RFX1: variants seen among roughly 807,000 people sequenced by gnomAD.
RFX1 encodes regulatory factor X1, also known as MHC class II regulatory factor RFX1.
In RFX1, 42 loss-of-function variants were observed where a neutral mutation model predicts 119.6. The ratio of observed to expected loss-of-function variants is 0.35; its 90% CI spans 0.27 to 0.45. RFX1 has a LOEUF of 0.45. RFX1 is among the 20% of genes least tolerant of loss of function. RFX1 has a pLI of 1.00. For missense variants in RFX1, 1,118 were observed against 1,368.1 expected (o/e 0.82, Z 2.88); for synonymous variants, 628 against 618.5 (o/e 1.02, Z -0.23).
intron 8 of RFX1, among the ~76,000 whole-genome samples, chr19:13,974,954 G>A (rs991463630): frequency 2.0e-5 from 3 of 151,240 alleles, no homozygotes; most frequent in Non-Finnish European, 4.4e-5. Context: ...TGGGGCAGGA[G>A]GATCACTTGA....
chr19:13,973,233 G>A, intron 8 of RFX1, 106 bp from the exon 9 acceptor site: 1 of 813,470 alleles, frequency 1.2e-6, no homozygotes, highest in Non-Finnish European at 2.0e-6. Flanking sequence ...TGGGGAAGCA[G>A]CAGCTCCCCT....
In RFX1 at chr19:13,972,909, C is replaced by T; in HGVS notation, c.1148G>A (p.Gly383Asp). 1 of 1,593,674 alleles carries T rather than the reference C, an allele frequency of 6.3e-7. No homozygotes were observed. The highest frequency in any genetic ancestry group is 8.5e-7 in the Non-Finnish European group (1 of 1,176,778). The change falls in exon 9 of 21, where the codon GGT becomes GAT. Residue 383 changes from glycine (G) to aspartate (D), a missense_variant. Around this residue, in one of 5 missense-constraint regions of RFX1, gnomAD observed 542 missense variants for 602.7 expected, o/e 0.90. Coordinates refer to ENST00000254325, the MANE Select transcript of RFX1 (RefSeq NM_002918.5). ...GAGASNSSGG[G>D]GSGGGGGGGG... ...GCCGCCGCCGCCACCACCACTGCCA[C>T]CACCTCCGCTGCTGTTGCTGGCCCC...
In RFX1 at chr19:13,961,622, A is replaced by G. The variant is rs1428991342; in HGVS notation, c.*1073T>C. On this transcript the variant is annotated 3_prime_UTR_variant, in exon 21 of 21. Transcript: ENST00000254325. Reference sequence around the variant, plus strand: ...ACACTAGACTACCACACGTGTGGACACTTTCACCACCGGGAGAGGGAGCCC... The same window carrying G: ...ACACTAGACTACCACACGTGTGGACGCTTTCACCACCGGGAGAGGGAGCCC... 2 of 152,898 alleles carry G rather than the reference A, an allele frequency of 1.3e-5. No individual in the cohort carries two copies. The highest frequency in any genetic ancestry group is 4.8e-5 in the African/African-American group (2 of 41,356). 9.5% of individuals were successfully genotyped at this position (152,898 alleles called of 1,614,324 possible).
chr19:13,997,461 G>C (rs1975075558), intron 1 of RFX1, among the ~76,000 whole-genome samples: 1 of 152,238 alleles, frequency 6.6e-6, no homozygotes. Context: ...GCAGTGTGTG[G>C]CCAGGCACCT....
intron 6 of RFX1, among the ~76,000 whole-genome samples, chr19:13,979,978 A>C (rs1197157608): frequency 1.3e-5 from 2 of 151,582 alleles, no homozygotes; most frequent in Non-Finnish European, 2.9e-5. Context: ...GCCTGGACCT[A>C]GGTCTGGAGG....
chr19:13,979,502 C>A lies in RFX1; in HGVS notation c.779G>T (p.Gly260Val). The A allele has an allele frequency of 6.2e-7, 1 of 1,603,508 alleles. No homozygotes were observed. The highest frequency in any genetic ancestry group is 8.5e-7 in the Non-Finnish European group (1 of 1,174,306). Reference protein sequence around the residue: ...VQATPQAPKPGPVQPLTVQGL... With the variant: ...VQATPQAPKPVPVQPLTVQGL... ...CTGCACGGTCAGCGGCTGCACCGGG[C>A]CGGGTTTGGGCGCTTGTGGAGTGGC... is the stretch of plus-strand genomic sequence containing the variant. The change falls in exon 7 of 21, where the codon GGC becomes GTC. Residue 260 changes from glycine (G) to valine (V), a missense_variant. By Grantham distance (109) the Gly-to-Val change is moderately radical. Transcript: ENST00000254325.
intron 18 of RFX1, 100 bp downstream of exon 18, chr19:13,963,438 C>G (rs1973783561): frequency 3.5e-6 from 5 of 1,424,044 alleles, no homozygotes; most frequent in Non-Finnish European, 4.7e-6. Context: ...CCTGCCCGCC[C>G]AGCCTGCAGG....
chr19:13,981,583 G>A (rs999484397), intron 5 of RFX1, among the ~76,000 whole-genome samples: 7 of 152,294 alleles, frequency 4.6e-5, no homozygotes, highest in African/African-American at 1.4e-4. Flanking sequence ...GGGACAGAGC[G>A]AGATTCTGTC....
At position 13,966,726 on chromosome 19, in the gene RFX1, G is replaced by A. The variant is rs1253472974; in HGVS notation, c.1758C>T (p.Phe586=). 1 of 1,610,396 alleles carries A rather than the reference G, an allele frequency of 6.2e-7. No individual in the cohort carries two copies. Among genetic ancestry groups the A allele is most frequent in the Non-Finnish European group, 8.5e-7 (1 of 1,178,778 alleles). ...CCTTGCCCTGGAGGTCGAGCTCTGT[G>A]AAGTCAGGGAGGCTCCGAGAGGCAT... ...FLDASRSLPD[F]TELDLQGKVL... The change falls in exon 13 of 21, where the codon TTC becomes TTT. Residue 586 remains phenylalanine, a synonymous_variant. Coordinates refer to ENST00000254325, the MANE Select transcript of RFX1 (RefSeq NM_002918.5). This position sits in a 1 kb window ranked among gnomAD's most constrained non-coding sequence, Gnocchi z 6.3.
chr19:13,978,955 TC>T (rs1385964704), intron 7 of RFX1, among the ~76,000 whole-genome samples: 1 of 151,352 alleles, frequency 6.6e-6, no homozygotes, highest in East Asian at 1.9e-4. Flanking sequence ...CGGCGGCGGC[TC>T]GGGGCTGCCT....
At chr19:13,979,219 T>C (rs1199359639) in intron 7 of RFX1, among the ~76,000 whole-genome samples, 6 of 152,062 alleles carry the variant, frequency 3.9e-5, no homozygotes, top group Non-Finnish European at 2.9e-5. Flanking sequence ...GGAGAGGGGT[T>C]AGAACTGACC....
Position 13,978,066 on chromosome 19 carries a change from C to A in RFX1, c.855G>T (p.Val285=). ...GGCTGGAGTACACGTGTGGGACGGG[C>A]ACCTGCTGGAGCTGCTGCACCTGGG... ...VAQEVQQLQQ[V]PVPHVYSSQV... The change falls in exon 8 of 21, where the codon GTG becomes GTT. Residue 285 remains valine (V), a synonymous_variant. Transcript: ENST00000254325. The A allele has an allele frequency of 6.2e-7, 1 of 1,613,308 alleles. No individual in the cohort carries two copies. Among genetic ancestry groups the A allele is most frequent in the Non-Finnish European group, 8.5e-7 (1 of 1,179,724 alleles).
chr19:13,978,044 TGGAGTACAC>T lies in RFX1; in HGVS notation c.868_876del (p.Val290_Ser292del). ...CCGCCCTCCACATACTGCACCTGGC[TGGAGTACAC>T]GTGTGGGACGGGCACCTGCTGGAGC... On this transcript the variant is annotated inframe_deletion, in exon 8 of 21. Transcript: ENST00000254325. 6.2e-7 allele frequency: 1 copy of T among 1,613,578 alleles called. No homozygotes were observed. The highest frequency in any genetic ancestry group is 8.5e-7 in the Non-Finnish European group (1 of 1,179,820).
upstream of RFX1, chr19:14,006,396 GACGGCGCCAGGCCTTGCAGCTAA>G (rs1975383988): frequency 6.6e-6 from 1 of 152,334 alleles, no homozygotes. Flanking sequence ...GAAGTGATTG[GACGGCGCCAGGCCTTGCAGCTAA>G]ACTATTAGTT....
intron 12 of RFX1, among the ~76,000 whole-genome samples, chr19:13,967,669 G>GA (rs1195086631): frequency 1.3e-5 from 2 of 151,320 alleles, no homozygotes; most frequent in Admixed American, 6.6e-5. Context: ...TAGAGATGGG[G>GA]ATTCACCATG....
chr19:13,994,855 A>C (rs944900121), intron 1 of RFX1, among the ~76,000 whole-genome samples: 2 of 140,500 alleles, frequency 1.4e-5, no homozygotes, highest in East Asian at 4.1e-4. Flanking sequence ...ATATGTACAC[A>C]TGTATATATA....
In RFX1 at chr19:13,969,761, T is replaced by C. The variant is rs1974015314; in HGVS notation, c.1496+233A>G. 2.2e-6 allele frequency: 1 copy of C among 451,154 alleles called. No homozygotes were observed. Among genetic ancestry groups the C allele is most frequent in the Non-Finnish European group, 3.9e-6 (1 of 255,924 alleles). The allele number at this position is 451,154 out of a possible 1,614,324, so 27.9% of individuals were successfully genotyped here. A position where few individuals can be genotyped will look rare whatever the true frequency, so the allele number is the denominator to read the frequency against. On this transcript the variant is annotated intron_variant, in intron 10 of 20. Transcript: ENST00000254325. The surrounding 1 kb of genome is among the most constrained non-coding windows in gnomAD (Gnocchi z 4.5). ...CAGGGGAGAGGGGGAGGCTGCAGTT[T>C]TAGTTGAGGCAGTCAGGGGACGTGC... is the stretch of plus-strand genomic sequence containing the variant.
In RFX1 at chr19:13,972,744, G is replaced by A. The variant is rs1236396971; in HGVS notation, c.1313C>T (p.Thr438Met). The A allele has an allele frequency of 1.9e-6, 3 of 1,591,376 alleles. No individual in the cohort carries two copies. The highest frequency in any genetic ancestry group is 2.6e-6 in the Non-Finnish European group (3 of 1,166,978). The change falls in exon 9 of 21, where the codon ACG becomes ATG. Residue 438 changes from threonine to methionine, a missense_variant and splice_region_variant. Transcript: ENST00000254325. ...TGGGGCCCGCGTTGGGGCACTTACC[G>A]TGGCTGGCGAGGCACGGGTGGTGTG... ...YSHTTRASPA[T>M]VQWLLDNYET...
In RFX1 at chr19:13,963,526, C is replaced by CCG. The variant is rs1323104909; in HGVS notation, c.2570+10_2570+11dup. 4.4e-6 allele frequency: 7 copies of CCG among 1,597,704 alleles called. No homozygotes were observed. The highest frequency in any genetic ancestry group is 5.9e-6 in the Non-Finnish European group (7 of 1,176,838). ...CTGGTGCCGCCCGGACCCGATCCCG[C>CCG]CGCGCGCGCACCTGTAGAAGGACCA... On this transcript the variant is annotated intron_variant, in intron 18 of 20. Transcript: ENST00000254325.
Sources: gnomAD v4.1 joint callset for allele counts (sites outside exome capture counted in the v4.1 genomes callset) on GRCh38, gnomAD v4.1.1 for gene constraint, gnomAD v4.1.1 regional missense constraint, Gnocchi (gnomAD v3.1) non-coding constraint, MANE v1.5 for transcripts, NCBI Gene and HGNC (gene_info 2026-07-23, HGNC 2026-07-21) for gene names.